NOP58: variants seen among roughly 807,000 people sequenced by gnomAD.
NOP58 encodes nucleolar protein 58.
A neutral mutation model predicts 71.2 loss-of-function variants in NOP58; 44 were observed. The observed-to-expected ratio is 0.62, with a 90% confidence interval of 0.49 to 0.79. The LOEUF (loss-of-function observed/expected upper bound fraction) is 0.79, where lower values mean the gene tolerates loss of function less well. Ranked by LOEUF, NOP58 falls within the 30% of genes least tolerant of loss-of-function variation. NOP58 has a pLI of 0.00. For synonymous variants in NOP58, 228 were observed against 200.3 expected (o/e 1.14, Z -1.17); for missense variants, 538 against 620.2 (o/e 0.87, Z 1.41).
intron 1 of NOP58, among the ~76,000 whole-genome samples, chr2:202,274,245 G>A (rs1688552087): frequency 6.6e-6 from 1 of 152,006 alleles, no homozygotes; most frequent in South Asian, 2.1e-4. Context: ...ATTTTTTTGA[G>A]ATGGAGTTTT....
chr2:202,295,206 A>C (rs1688970916), intron 9 of NOP58, among the ~76,000 whole-genome samples: 1 of 152,208 alleles, frequency 6.6e-6, no homozygotes, highest in Non-Finnish European at 1.5e-5. Flanking sequence ...TACCACACAA[A>C]GTGAAAGCAC....
At position 202,297,840 on chromosome 2, in the gene NOP58, C is replaced by G; in HGVS notation, c.1207-5C>G. The stretch of plus-strand genomic sequence containing the variant: ...TGTATTTGTAATTTTTCGTTTTCTT[C>G]TTAGATAAGAAAAATAAGTGGAACA... On this transcript the variant is annotated splice_region_variant and splice_polypyrimidine_tract_variant and intron_variant, in intron 11 of 14. Coordinates refer to ENST00000264279, the MANE Select transcript of NOP58 (RefSeq NM_015934.5). The G allele has an allele frequency of 6.5e-7, 1 of 1,531,596 alleles. No homozygotes were observed. Among genetic ancestry groups the G allele is most frequent in the Non-Finnish European group, 8.9e-7 (1 of 1,121,832 alleles). 94.9% of individuals were successfully genotyped at this position (1,531,596 alleles called of 1,614,324 possible).
In NOP58 at chr2:202,286,799, A is replaced by G. The variant is rs532540834; in HGVS notation, c.435-861A>G. Among the ~76,000 whole-genome samples, 17 of 152,258 alleles carry G rather than the reference A, an allele frequency of 1.1e-4. No homozygotes were observed. In the South Asian group the frequency reaches 1.5e-3, roughly 13 times the overall value. ...TCCATAGACATTTTTGGTTGTCACA[A>G]TTGGAGGTGGGTTGGGGTCTGCCAT... On this transcript the variant is annotated intron_variant, in intron 5 of 14. Transcript: ENST00000264279.
intron 6 of NOP58, among the ~76,000 whole-genome samples, chr2:202,288,351 G>A (rs1419097938): frequency 6.6e-6 from 1 of 151,878 alleles, no homozygotes. Flanking sequence ...AGGCATGGTG[G>A]TGCATGCCTG....
chr2:202,267,217 T>A (rs1011330338), intron 1 of NOP58, among the ~76,000 whole-genome samples: 1 of 152,290 alleles, frequency 6.6e-6, no homozygotes, highest in Non-Finnish European at 1.5e-5. Flanking sequence ...TACATATATA[T>A]ATGTTGGTAG....
intron 3 of NOP58, 101 bp from the exon 4 acceptor site, chr2:202,282,250 C>G: frequency 1.2e-6 from 1 of 861,724 alleles, no homozygotes; most frequent in East Asian, 2.4e-5. Flanking sequence ...AATTCAAGCC[C>G]TTTGAAAGGC....
At position 202,277,968 on chromosome 2, in the gene NOP58, T is replaced by C; in HGVS notation, c.141T>C (p.Phe47=). The change falls in exon 3 of 15, where the codon TTT becomes TTC. Residue 47 remains phenylalanine (F), a synonymous_variant. Coordinates refer to ENST00000264279, the MANE Select transcript of NOP58 (RefSeq NM_015934.5). ...ATTCTAGAGTAAAGCTAAAACATTTTGAGAAATTTCAGGATACAGCAGAAG... is the reference window on the plus strand; with the variant it reads ...ATTCTAGAGTAAAGCTAAAACATTTCGAGAAATTTCAGGATACAGCAGAAG... The part of the protein sequence containing the change: ...KANKIVKLKH[F]EKFQDTAEAL... 1.3e-6 allele frequency: 2 copies of C among 1,544,918 alleles called. No individual in the cohort carries two copies. Among genetic ancestry groups the C allele is most frequent in the South Asian group, 2.3e-5 (2 of 85,406 alleles).
rs139320268 is a variant in NOP58, at chr2:202,301,968, C to T, written c.1403-953C>T. Reference sequence around the variant, plus strand: ...AAAATAAAAAAGATTCATAGGGAAACGAATATTTTTGCCTCTTGTGCCTTG... The same window carrying T: ...AAAATAAAAAAGATTCATAGGGAAATGAATATTTTTGCCTCTTGTGCCTTG... On this transcript the variant is annotated intron_variant, in intron 13 of 14. Transcript: ENST00000264279. Among the ~76,000 whole-genome samples the T allele has an allele frequency of 4.7e-3, 709 of 151,784 alleles. 8 individuals carry two copies. Among genetic ancestry groups the T allele is most frequent in the African/African-American group, 0.016 (657 of 41,404 alleles).
At chr2:202,301,981 C>G (rs1689099573) in intron 13 of NOP58, among the ~76,000 whole-genome samples, 1 of 151,848 alleles carries the variant, frequency 6.6e-6, no homozygotes, top group Non-Finnish European at 1.5e-5. Flanking sequence ...ATATTTTTGC[C>G]TCTTGTGCCT....
In NOP58 at chr2:202,290,410, A is replaced by G. The variant is rs775991061; in HGVS notation, c.587A>G (p.Lys196Arg). The G allele has an allele frequency of 9.9e-6, 16 of 1,611,196 alleles. No homozygotes were observed. The highest frequency in any genetic ancestry group is 1.4e-5 in the Non-Finnish European group (16 of 1,178,036). The part of the protein sequence containing the change: ...WYGWHFPELG[K>R]IISDNLTYCK... ...GGCTGGCATTTCCCTGAATTAGGAA[A>G]AATTATTTCAGATAATTTAACATAC... Residue 196 changes from lysine to arginine, a missense_variant, in exon 7 of 15, where the codon AAA (lysine) becomes AGA (arginine). Coordinates refer to ENST00000264279, the MANE Select transcript of NOP58 (RefSeq NM_015934.5).
intron 4 of NOP58, among the ~76,000 whole-genome samples, chr2:202,283,108 G>A (rs1033985205): frequency 1.3e-5 from 2 of 152,164 alleles, no homozygotes; most frequent in Admixed American, 6.5e-5. Flanking sequence ...AGCTAATTGG[G>A]AGTGCAGTGG....
intron 8 of NOP58, among the ~76,000 whole-genome samples, chr2:202,292,055 C>T (rs536289054): frequency 1.1e-4 from 13 of 122,626 alleles, no homozygotes; most frequent in African/African-American, 3.7e-4. Flanking sequence ...GGCACGTTCT[C>T]AGGCTCACTG....
intron 3 of NOP58, among the ~76,000 whole-genome samples, chr2:202,281,672 G>A (rs1002202663): frequency 6.6e-6 from 1 of 152,182 alleles, no homozygotes; most frequent in Non-Finnish European, 1.5e-5. Flanking sequence ...ACACCACCAT[G>A]CCTGGGTAAC....
chr2:202,269,372 C>T (rs1257239758), intron 1 of NOP58, among the ~76,000 whole-genome samples: 3 of 147,454 alleles, frequency 2.0e-5, no homozygotes, highest in African/African-American at 2.5e-5. Context: ...GGCAGAGTCT[C>T]ACTATGTTGC....
chr2:202,292,243 C>T (rs1460624183), intron 8 of NOP58, among the ~76,000 whole-genome samples: 5 of 151,578 alleles, frequency 3.3e-5, no homozygotes, highest in Non-Finnish European at 5.9e-5. Flanking sequence ...CCACCTGCCT[C>T]GACCTCCCAA....
At chr2:202,287,761 T>A in intron 6 of NOP58, 37 bp downstream of exon 6, 1 of 1,399,714 alleles carries the variant, frequency 7.1e-7, no homozygotes, top group Non-Finnish European at 1.0e-6. Flanking sequence ...TTTGTTGCTC[T>A]GTCCTTCATG....
intron 2 of NOP58, among the ~76,000 whole-genome samples, chr2:202,277,310 A>G (rs1688618351): frequency 1.3e-5 from 2 of 151,590 alleles, no homozygotes; most frequent in Non-Finnish European, 2.9e-5. Context: ...GTCTCAAAAA[A>G]AAAAAACAAA....
At chr2:202,279,525 C>T (rs988656506) in intron 3 of NOP58, among the ~76,000 whole-genome samples, 1 of 152,124 alleles carries the variant, frequency 6.6e-6, no homozygotes. Flanking sequence ...AGGCTGGGTG[C>T]GGTGGCTCAT....
In NOP58 at chr2:202,303,518, C is replaced by T. The variant is rs551529113; in HGVS notation, c.*82C>T. On this transcript the variant is annotated 3_prime_UTR_variant, in exon 15 of 15. Transcript: ENST00000264279. ...GGAGCATACCAGGGATGCTCTCTAACGTAATCAAGGGAAGGTTCAGTAAGA... is the reference window on the plus strand; with the variant it reads ...GGAGCATACCAGGGATGCTCTCTAATGTAATCAAGGGAAGGTTCAGTAAGA... 1.7e-5 allele frequency: 26 copies of T among 1,502,294 alleles called. No individual in the cohort carries two copies. The East Asian group carries it at 2.9e-4, about 17-fold the overall frequency. 93.1% of individuals were successfully genotyped at this position (1,502,294 alleles called of 1,614,324 possible).
Sources: allele counts gnomAD v4.1 joint callset (sites outside exome capture counted in the v4.1 genomes callset), GRCh38; gene constraint gnomAD v4.1.1; transcripts MANE v1.5; gene names NCBI Gene and HGNC (gene_info 2026-07-23, HGNC 2026-07-21).